MALRD1: variants seen among roughly 807,000 people sequenced by gnomAD.
MALRD1 encodes MAM and LDL-receptor class A domain-containing protein 1.
A neutral mutation model predicts 242.1 loss-of-function variants in MALRD1; 247 were observed. That is an observed-to-expected ratio of 1.02 (90% CI 0.92 to 1.13). The LOEUF is 1.13. Ranked by LOEUF, MALRD1 falls within the 50% of genes most tolerant of loss-of-function variation. The probability of loss-of-function intolerance (pLI) is 0.00; values close to 1 mark genes in which losing one functional copy is unlikely to be tolerated. For synonymous variants in MALRD1, 995 were observed against 866.6 expected, an observed-to-expected ratio of 1.15 and a Z score of -2.60; for missense variants, 2,989 against 2,533.1, an observed-to-expected ratio of 1.18 and a Z score of -3.86.
chr10:19,084,659 A>G (rs1444980385), intron 2 of MALRD1, among the ~76,000 whole-genome samples: 1 of 151,950 alleles, frequency 6.6e-6, no homozygotes, highest in Non-Finnish European at 1.5e-5. Context: ...ATCAAGGTTG[A>G]TGGGATTCAC....
intron 14 of MALRD1, among the ~76,000 whole-genome samples, chr10:19,201,844 C>G (rs1370588148): frequency 6.6e-6 from 1 of 152,034 alleles, no homozygotes; most frequent in East Asian, 1.9e-4. Flanking sequence ...GAGACAGAGT[C>G]TCACTCTGTC....
At chr10:19,687,889 A>G (rs1351335436) in intron 36 of MALRD1, among the ~76,000 whole-genome samples, 1 of 151,446 alleles carries the variant, frequency 6.6e-6, no homozygotes, top group Non-Finnish European at 1.5e-5. Context: ...AAACACCTTA[A>G]TTATTATTAT....
At chr10:19,540,307 A>G (rs1226973019) in intron 32 of MALRD1, among the ~76,000 whole-genome samples, 1 of 150,828 alleles carries the variant, frequency 6.6e-6, no homozygotes, top group African/African-American at 2.4e-5. Flanking sequence ...ACCCCAACTC[A>G]GCCTCTCTTA....
intron 26 of MALRD1, among the ~76,000 whole-genome samples, chr10:19,359,289 CT>C (rs1310335015): frequency 6.6e-6 from 1 of 152,064 alleles, no homozygotes; most frequent in Non-Finnish European, 1.5e-5. Context: ...CCTCTTTTTG[CT>C]TTTGGTTTTT....
At chr10:19,523,133 T>C (rs1002337857) in intron 31 of MALRD1, among the ~76,000 whole-genome samples, 1 of 152,138 alleles carries the variant, frequency 6.6e-6, no homozygotes, top group Non-Finnish European at 1.5e-5. Context: ...ACTATAATTA[T>C]CTCTTATTGC....
chr10:19,350,345 A>G (rs1331611739), intron 25 of MALRD1, among the ~76,000 whole-genome samples: 1 of 140,118 alleles, frequency 7.1e-6, no homozygotes, highest in Non-Finnish European at 1.5e-5. Flanking sequence ...ATCTCTGCTC[A>G]CTGCAACCTC....
At chr10:19,295,698 A>G (rs942746833) in intron 21 of MALRD1, among the ~76,000 whole-genome samples, 1 of 152,100 alleles carries the variant, frequency 6.6e-6, no homozygotes, top group Non-Finnish European at 1.5e-5. Context: ...TGTCTCCTAG[A>G]CCTCAAGCTC....
intron 32 of MALRD1, among the ~76,000 whole-genome samples, chr10:19,545,815 C>T (rs60803206): frequency 3.3e-5 from 5 of 152,156 alleles, no homozygotes; most frequent in African/African-American, 1.2e-4. Flanking sequence ...AGCTTTTAGT[C>T]CTCTGGCACT....
chr10:19,391,583 T>C (rs1458904000), intron 28 of MALRD1, among the ~76,000 whole-genome samples: 2 of 152,184 alleles, frequency 1.3e-5, no homozygotes, highest in Non-Finnish European at 2.9e-5. Context: ...GCACTCCCTG[T>C]CTATTCTTAG....
At chr10:19,553,448 TA>T (rs1052363318) in intron 32 of MALRD1, among the ~76,000 whole-genome samples, 3 of 152,160 alleles carry the variant, frequency 2.0e-5, no homozygotes, top group Non-Finnish European at 2.9e-5. Flanking sequence ...GTTACATCAT[TA>T]AAAAAATCCA....
chr10:19,511,967 A>G (rs1833421289), intron 31 of MALRD1, among the ~76,000 whole-genome samples: 1 of 152,086 alleles, frequency 6.6e-6, no homozygotes, highest in Admixed American at 6.6e-5. Flanking sequence ...CTCCTTGGTC[A>G]GTTTTGCCTT....
At chr10:19,256,367 G>A (rs911549262) in intron 18 of MALRD1, among the ~76,000 whole-genome samples, 3 of 152,066 alleles carry the variant, frequency 2.0e-5, no homozygotes, top group Admixed American at 1.3e-4. Flanking sequence ...CTGTCTGCTA[G>A]TTTAGGTTTA....
At chr10:19,231,304 C>T (rs1838056778) in intron 18 of MALRD1, among the ~76,000 whole-genome samples, 1 of 152,100 alleles carries the variant, frequency 6.6e-6, no homozygotes, top group African/African-American at 2.4e-5. Context: ...CAGCTTTTTC[C>T]CCACAGTTGT....
At chr10:19,552,806 T>A (rs1376081995) in intron 32 of MALRD1, among the ~76,000 whole-genome samples, 1 of 152,106 alleles carries the variant, frequency 6.6e-6, no homozygotes, top group Non-Finnish European at 1.5e-5. Context: ...ACAATAAACA[T>A]CAAGTTCTGC....
intron 14 of MALRD1, among the ~76,000 whole-genome samples, chr10:19,186,627 C>T (rs1835748141): frequency 6.6e-6 from 1 of 152,068 alleles, no homozygotes; most frequent in Non-Finnish European, 1.5e-5. Flanking sequence ...GATTAAGTTT[C>T]AATACATTAG....
intron 28 of MALRD1, among the ~76,000 whole-genome samples, chr10:19,426,155 T>C (rs550425576): frequency 1.4e-3 from 211 of 152,316 alleles, no homozygotes; most frequent in Non-Finnish European, 2.3e-3. Flanking sequence ...TGTTAGAAGC[T>C]TTAAATCCTT....
chr10:19,546,009 T>A (rs1835192289), intron 32 of MALRD1, among the ~76,000 whole-genome samples: 1 of 152,304 alleles, frequency 6.6e-6, no homozygotes, highest in South Asian at 2.1e-4. Flanking sequence ...CACCCAAATC[T>A]CTCAAGAGAG....
chr10:19,293,608 TG>T (rs1244588423), intron 21 of MALRD1, among the ~76,000 whole-genome samples: 4 of 152,190 alleles, frequency 2.6e-5, no homozygotes, highest in Non-Finnish European at 5.9e-5. Flanking sequence ...TGTGGGAACA[TG>T]GATGGATTTG....
intron 9 of MALRD1, among the ~76,000 whole-genome samples, chr10:19,134,369 C>T (rs182880704): frequency 3.6e-4 from 55 of 152,184 alleles, no homozygotes; most frequent in Non-Finnish European, 7.2e-4. Context: ...ACATATGAAA[C>T]ATACATAGGC....
Sources: allele counts gnomAD v4.1 joint callset (sites outside exome capture counted in the v4.1 genomes callset), GRCh38; gene constraint gnomAD v4.1.1; transcripts MANE v1.5; gene names NCBI Gene and HGNC (gene_info 2026-07-23, HGNC 2026-07-21).